Variants in ARHGAP42 observed in about 807,000 individuals in gnomAD.
ARHGAP42 encodes Rho GTPase activating protein 42.
In ARHGAP42, 63 loss-of-function variants were observed where a neutral mutation model predicts 125.0. That is an observed-to-expected ratio of 0.50 (90% CI 0.41 to 0.62). The LOEUF is 0.62. Among genes scored for constraint, ARHGAP42 ranks in the 20% least tolerant of loss-of-function variants. The pLI, the probability that ARHGAP42 is intolerant of heterozygous loss-of-function variation, is 0.00. For missense variants in ARHGAP42, 766 were observed against 1,024.2 expected (o/e 0.75, Z 3.44); for synonymous variants, 339 against 351.0 (o/e 0.97, Z 0.38).
chr11:100,983,081 A>G (rs1029611704), intron 22 of ARHGAP42, among the ~76,000 whole-genome samples: 3 of 152,202 alleles, frequency 2.0e-5, no homozygotes, highest in South Asian at 4.1e-4. Flanking sequence ...CAGCCTTCTA[A>G]TCTCATCCGT....
At chr11:100,906,581 T>TA (rs34633557) in intron 4 of ARHGAP42, among the ~76,000 whole-genome samples, 4 of 151,632 alleles carry the variant, frequency 2.6e-5, no homozygotes, top group Non-Finnish European at 4.4e-5. Context: ...GTGGAAACTT[T>TA]AAAAAAAAAT....
chr11:100,753,253 A>T (rs1428597841), intron 1 of ARHGAP42, among the ~76,000 whole-genome samples: 1 of 152,044 alleles, frequency 6.6e-6, no homozygotes, highest in African/African-American at 2.4e-5. Flanking sequence ...GGGAGTGGGG[A>T]GTAACAGGCA....
chr11:100,704,796 G>A (rs561284987), intron 1 of ARHGAP42, among the ~76,000 whole-genome samples: 5 of 150,404 alleles, frequency 3.3e-5, no homozygotes, highest in Non-Finnish European at 7.4e-5. Context: ...CGCCCCCGCC[G>A]CCCACTCCTT....
At chr11:100,938,902 G>A (rs1355089513) in intron 8 of ARHGAP42, among the ~76,000 whole-genome samples, 2 of 152,108 alleles carry the variant, frequency 1.3e-5, no homozygotes, top group Admixed American at 1.3e-4. Flanking sequence ...ACAAAAATGA[G>A]ATAAATATTT....
chr11:100,696,906 T>C (rs1192593764), intron 1 of ARHGAP42, among the ~76,000 whole-genome samples: 2 of 152,192 alleles, frequency 1.3e-5, no homozygotes, highest in Non-Finnish European at 2.9e-5. Flanking sequence ...AATGTTGGTT[T>C]ATCTGATTTG....
At chr11:100,909,394 G>T in intron 4 of ARHGAP42, among the ~76,000 whole-genome samples, 1 of 143,382 alleles carries the variant, frequency 7.0e-6, no homozygotes. Flanking sequence ...TGCCCAGGCT[G>T]GAGTGCAGTG....
intron 1 of ARHGAP42, among the ~76,000 whole-genome samples, chr11:100,715,205 A>C (rs1861638128): frequency 6.6e-6 from 1 of 152,164 alleles, no homozygotes; most frequent in African/African-American, 2.4e-5. Flanking sequence ...GAGAAAACTT[A>C]AAACTTGGTG....
At chr11:100,957,960 AT>A (rs1388310964) in intron 12 of ARHGAP42, among the ~76,000 whole-genome samples, 1 of 152,160 alleles carries the variant, frequency 6.6e-6, no homozygotes, top group Non-Finnish European at 1.5e-5. Context: ...TTCTATTGAA[AT>A]TTTTTTAAAT....
intron 6 of ARHGAP42, among the ~76,000 whole-genome samples, chr11:100,930,585 G>A (rs1445241514): frequency 1.3e-5 from 2 of 152,168 alleles, no homozygotes; most frequent in African/African-American, 4.8e-5. Flanking sequence ...TCTGCTAGAA[G>A]CTGCCAATGG....
intron 19 of ARHGAP42, among the ~76,000 whole-genome samples, chr11:100,975,351 A>G (rs1324631291): frequency 6.6e-6 from 1 of 152,200 alleles, no homozygotes; most frequent in Admixed American, 6.5e-5. Flanking sequence ...CCTATTATGT[A>G]CCCAGAAAAA....
At chr11:100,829,894 T>C (rs1196199879) in intron 3 of ARHGAP42, among the ~76,000 whole-genome samples, 1 of 152,220 alleles carries the variant, frequency 6.6e-6, no homozygotes, top group Admixed American at 6.5e-5. Context: ...TTACAATTAC[T>C]TTGTGATGAT....
At chr11:100,984,115 TA>T (rs61246568) in intron 22 of ARHGAP42, among the ~76,000 whole-genome samples, 6,007 of 123,572 alleles carry the variant, frequency 0.049, 149 homozygotes, top group East Asian at 0.12. Flanking sequence ...AGACCCTGTC[TA>T]AAAAAAAAAA....
chr11:100,966,122 C>T (rs907982613), intron 17 of ARHGAP42, among the ~76,000 whole-genome samples: 1 of 152,030 alleles, frequency 6.6e-6, no homozygotes, highest in Admixed American at 6.6e-5. Flanking sequence ...AAGACCAGTG[C>T]TCTATACTAC....
At chr11:100,821,206 C>G (rs1294216823) in intron 3 of ARHGAP42, among the ~76,000 whole-genome samples, 1 of 151,950 alleles carries the variant, frequency 6.6e-6, no homozygotes, top group Non-Finnish European at 1.5e-5. Flanking sequence ...CCTTTGTTAC[C>G]TCAAACCTTT....
At chr11:100,782,597 G>T (rs1001545276) in intron 2 of ARHGAP42, among the ~76,000 whole-genome samples, 1 of 152,052 alleles carries the variant, frequency 6.6e-6, no homozygotes, top group Non-Finnish European at 1.5e-5. Context: ...AACAAGAATA[G>T]AGTTGAATCA....
intron 12 of ARHGAP42, 34 bp from the exon 13 acceptor site, chr11:100,959,849 T>G: frequency 6.5e-7 from 1 of 1,546,030 alleles, no homozygotes; most frequent in Non-Finnish European, 8.8e-7. Context: ...GAGTTCAGCG[T>G]AAACACCTAA....
At chr11:100,925,890 T>C (rs1376210836) in intron 6 of ARHGAP42, among the ~76,000 whole-genome samples, 2 of 152,166 alleles carry the variant, frequency 1.3e-5, no homozygotes, top group Non-Finnish European at 2.9e-5. Flanking sequence ...GGGAAAGAGA[T>C]CAGGGAGGGA....
Position 100,800,805 on chromosome 11 carries a change from T to G in ARHGAP42, c.312+5639T>G, listed in dbSNP as rs556015695. 6.0e-4 allele frequency among the ~76,000 whole-genome samples: 91 copies of G among 152,326 alleles called. 1 individual carries two copies. Among genetic ancestry groups the G allele is most frequent in the Non-Finnish European group, 2.5e-4 (17 of 68,040 alleles). The stretch of plus-strand genomic sequence containing the variant: ...AAAAAAACTATAGATACAAGTCTAA[T>G]GGAATGCATTTCCACAGATTATATA... On this transcript the variant is annotated intron_variant, in intron 3 of 23. Transcript: ENST00000298815.
intron 2 of ARHGAP42, among the ~76,000 whole-genome samples, chr11:100,780,935 T>C (rs1169785126): frequency 1.3e-5 from 2 of 152,188 alleles, no homozygotes; most frequent in Admixed American, 1.3e-4. Context: ...CATCAGAGCC[T>C]AGAAAAATAA....
Sources: allele counts gnomAD v4.1 joint callset (sites outside exome capture counted in the v4.1 genomes callset), GRCh38; gene constraint gnomAD v4.1.1; transcripts MANE v1.5; gene names NCBI Gene and HGNC (gene_info 2026-07-23, HGNC 2026-07-21).